The following SBF1 variants were observed in gnomAD, a reference collection of about 807,000 sequenced individuals.
SBF1 encodes SET binding factor 1.
SBF1 carries 65 observed loss-of-function variants against 215.8 expected under a neutral mutation model. The ratio of observed to expected loss-of-function variants is 0.30; its 90% CI spans 0.25 to 0.37. The LOEUF (loss-of-function observed/expected upper bound fraction) is 0.37, where lower values mean the gene tolerates loss of function less well. Ranked by LOEUF, SBF1 falls within the 10% of genes least tolerant of loss-of-function variation. SBF1 has a pLI of 1.00. For synonymous variants in SBF1, 1,410 were observed against 1,122.8 expected, an observed-to-expected ratio of 1.26 and a Z score of -5.11; for missense variants, 2,634 against 2,667.8, an observed-to-expected ratio of 0.99 and a Z score of 0.28.
intron 36 of SBF1, among the ~76,000 whole-genome samples, chr22:50,449,330 T>A (rs2066953642): frequency 6.7e-6 from 1 of 149,888 alleles, no homozygotes. Context: ...AGAGAGTGAT[T>A]TTAGGGCCAG....
Position 50,466,492 on chromosome 22 carries a change from GAA to G in SBF1, c.656-12_656-11del. 6.5e-7 allele frequency: 1 copy of G among 1,540,634 alleles called. No homozygotes were observed. The highest frequency in any genetic ancestry group is 1.2e-5 in the South Asian group (1 of 83,490). On this transcript the variant is annotated splice_polypyrimidine_tract_variant and intron_variant, in intron 6 of 40. Transcript: ENST00000380817. ...AGCACGTTGGTGATGCCTAAAGGAA[GAA>G]GAGAAGCTTGGAGAGGACCCTGGGC...
rs1008310509 is a variant in SBF1 at position 50,446,580 on chromosome 22, G to A, written c.*562C>T. 1 of 336,450 alleles carries A rather than the reference G, an allele frequency of 3.0e-6. No individual in the cohort carries two copies. The highest frequency in any genetic ancestry group is 3.9e-5 in the Admixed American group (1 of 25,324). The allele number at this position is 336,450 out of a possible 1,614,324, so 20.8% of individuals were successfully genotyped here. ...GGCCCCTAGACCAGCCCTGAGGCGT[G>A]GAGGGAATCAAGCAAGTCCCCAGTG... On this transcript the variant is annotated 3_prime_UTR_variant, in exon 41 of 41. Transcript: ENST00000380817.
At chr22:50,453,490 G>A (rs2067126354) in intron 36 of SBF1, among the ~76,000 whole-genome samples, 1 of 152,164 alleles carries the variant, frequency 6.6e-6, no homozygotes, top group Non-Finnish European at 1.5e-5. Context: ...GAAGCTCTAA[G>A]ATGCTTAGAT....
intron 5 of SBF1, chr22:50,466,954 G>C (rs1049127144): frequency 6.3e-5 from 35 of 557,962 alleles, no homozygotes; most frequent in Non-Finnish European, 9.8e-5. Flanking sequence ...GCCTAGGTGG[G>C]CGGAAGAAAC....
chr22:50,474,851 G>A lies in SBF1; in HGVS notation c.-11C>T. The A allele has an allele frequency of 1.4e-6, 2 of 1,412,120 alleles. No individual in the cohort carries two copies. Among genetic ancestry groups the A allele is most frequent in the Non-Finnish European group, 1.8e-6 (2 of 1,085,160 alleles). The allele number at this position is 1,412,120 out of a possible 1,614,324, so 87.5% of individuals were successfully genotyped here. ...CGCGAGCCGCGCCATGGCGAGGGAC[G>A]CGGGGCGGCCCGAGGGGCGCGGGCG... On this transcript the variant is annotated 5_prime_UTR_variant, in exon 1 of 41. Transcript: ENST00000380817.
Position 50,474,867 on chromosome 22 carries a change from G to A in SBF1, c.-27C>T. ...GCGAGGGACGCGGGGCGGCCCGAGG[G>A]GCGCGGGCGGGCTCCGCGGCTCGGG... On this transcript the variant is annotated 5_prime_UTR_variant, in exon 1 of 41. Transcript: ENST00000380817. The A allele has an allele frequency of 7.4e-7, 1 of 1,356,018 alleles. No individual in the cohort carries two copies. Among genetic ancestry groups the A allele is most frequent in the Non-Finnish European group, 9.5e-7 (1 of 1,057,882 alleles). 84.0% of individuals were successfully genotyped at this position (1,356,018 alleles called of 1,614,324 possible).
chr22:50,451,377 T>C (rs1167914749), intron 36 of SBF1, among the ~76,000 whole-genome samples: 1 of 151,846 alleles, frequency 6.6e-6, no homozygotes, highest in Non-Finnish European at 1.5e-5. Context: ...TTGATGGGCT[T>C]CAGTATATTA....
At chr22:50,471,104 G>A (rs765823178) in intron 1 of SBF1, among the ~76,000 whole-genome samples, 1 of 152,160 alleles carries the variant, frequency 6.6e-6, no homozygotes, top group Non-Finnish European at 1.5e-5. Context: ...TACACAGGAG[G>A]GAGGGTGCCC....
intron 1 of SBF1, among the ~76,000 whole-genome samples, chr22:50,469,139 G>A (rs1186761126): frequency 6.6e-6 from 1 of 152,184 alleles, no homozygotes; most frequent in Non-Finnish European, 1.5e-5. Context: ...CTTGGTCCAG[G>A]ACGACCACCG....
chr22:50,468,498 GCCCCCCACCCA>G, intron 1 of SBF1, 37 bp from the exon 2 acceptor site: 1 of 1,415,704 alleles, frequency 7.1e-7, no homozygotes, highest in Non-Finnish European at 9.5e-7. Flanking sequence ...CACCCAACCC[GCCCCCCACCCA>G]CCAGGAGGCT....
Position 50,457,015 on chromosome 22 carries a change from C to A in SBF1, c.3904+19G>T. On this transcript the variant is annotated intron_variant, in intron 29 of 40. Coordinates refer to ENST00000380817, the MANE Select transcript of SBF1 (RefSeq NM_002972.4). ...CACCAAGTAAGGGGAGGCGGGCCTG[C>A]GCAGGCTCGGTACGGTACCTCGGGG... 3 of 1,413,368 alleles carry A rather than the reference C, an allele frequency of 2.1e-6. No individual in the cohort carries two copies. Among genetic ancestry groups the A allele is most frequent in the Non-Finnish European group, 2.8e-6 (3 of 1,083,518 alleles). The allele number at this position is 1,413,368 out of a possible 1,614,324, so 87.6% of individuals were successfully genotyped here.
chr22:50,466,550 C>G, intron 6 of SBF1, 55 bp downstream of exon 6: 2 of 1,528,414 alleles, frequency 1.3e-6, no homozygotes, highest in South Asian at 2.4e-5. Flanking sequence ...AACCCACATC[C>G]CTAACTACCA....
At position 50,455,127 on chromosome 22, in the gene SBF1, G is replaced by A. The variant is rs372797638; in HGVS notation, c.4570C>T (p.Pro1524Ser). ...DCVHQVHLQF[P>S]MEFEFSQFYL... ...AACTGGCTGAACTCAAACTCCATGG[G>A]GAACTGCAGGTGGACCTGCACGCCA... Residue 1524 changes from proline (P) to serine (S), a missense_variant, in exon 34 of 41, where the codon CCC becomes TCC. Pro to Ser is a moderately conservative substitution (Grantham distance 74). Transcript: ENST00000380817. The A allele has an allele frequency of 4.0e-5, 65 of 1,613,992 alleles. No homozygotes were observed. Among genetic ancestry groups the A allele is most frequent in the Admixed American group, 1.0e-4 (6 of 60,008 alleles).
intron 15 of SBF1, among the ~76,000 whole-genome samples, chr22:50,464,090 C>A (rs998075173): frequency 3.9e-5 from 6 of 152,246 alleles, no homozygotes; most frequent in Admixed American, 2.0e-4. Context: ...CTTCTGATTT[C>A]TAAAAATGGA....
intron 1 of SBF1, among the ~76,000 whole-genome samples, 195 bp downstream of exon 1, chr22:50,474,591 G>GCCCCCGGCCCCGGCC (rs1411637507): frequency 6.9e-6 from 1 of 145,090 alleles, no homozygotes. Flanking sequence ...TCAGTCCTCG[G>GCCCCCGGCCCCGGCC]CTCCCCCGAC....
chr22:50,462,542 A>G lies in SBF1; in HGVS notation c.2127+17T>C, dbSNP rs752351199. 6.2e-6 allele frequency: 10 copies of G among 1,609,352 alleles called. No individual in the cohort carries two copies. Among genetic ancestry groups the G allele is most frequent in the African/African-American group, 2.7e-5 (2 of 74,800 alleles). On this transcript the variant is annotated intron_variant, in intron 18 of 40. Transcript: ENST00000380817. ...GCCCCTAGCCCCCAGCCCCCAGCCCAGGGAGTCCCTGCGCACCTGGGCGGG... is the reference window on the plus strand; with the variant it reads ...GCCCCTAGCCCCCAGCCCCCAGCCCGGGGAGTCCCTGCGCACCTGGGCGGG...
intron 1 of SBF1, 48 bp downstream of exon 1, chr22:50,474,738 C>T (rs2068117470): frequency 3.5e-6 from 5 of 1,439,348 alleles, no homozygotes. Flanking sequence ...TGGCCCTCAG[C>T]ACTCGACCCT....
In SBF1 at chr22:50,460,327, G is replaced by C. The variant is rs754500421; in HGVS notation, c.3228C>G (p.Pro1076=). Residue 1076 remains proline (P), a synonymous_variant, in exon 25 of 41, where the codon CCC becomes CCG. Transcript: ENST00000380817. ...QHVTRKKYNP[P]SWEHRGQPPP... ...GCGGCTGGCCCCGGTGCTCCCAGCT[G>C]GGGGGGTTGTACTTCTTGCGAGTGA... is the stretch of plus-strand genomic sequence containing the variant. The C allele has an allele frequency of 1.2e-6, 2 of 1,612,266 alleles. No homozygotes were observed. Among genetic ancestry groups the C allele is most frequent in the Non-Finnish European group, 1.7e-6 (2 of 1,178,876 alleles).
Position 50,465,989 on chromosome 22 carries a change from T to C in SBF1, c.983A>G (p.Gln328Arg). ...GCTCAGCACACTGTGCGTCTGACTC[T>C]GCAGTGGCTCTGGCAAGGGTGGAAT... ...VHIPPLPEPL[Q>R]SQTHSVLSMV... Residue 328 changes from glutamine (Q) to arginine (R), a missense_variant, in exon 9 of 41, where the codon CAG becomes CGG. Transcript: ENST00000380817. The C allele has an allele frequency of 6.2e-7, 1 of 1,614,026 alleles. No homozygotes were observed. Among genetic ancestry groups the C allele is most frequent in the Non-Finnish European group, 8.5e-7 (1 of 1,180,024 alleles).
Sources: allele counts gnomAD v4.1 joint callset (sites outside exome capture counted in the v4.1 genomes callset), GRCh38; gene constraint gnomAD v4.1.1; transcripts MANE v1.5; gene names NCBI Gene and HGNC (gene_info 2026-07-23, HGNC 2026-07-21).